CCDC174: variants seen among roughly 807,000 people sequenced by gnomAD.
CCDC174 encodes the protein coiled-coil domain containing 174, also known as coiled-coil domain-containing protein 174.
CCDC174 carries 37 observed loss-of-function variants against 57.1 expected under a neutral mutation model. The ratio of observed to expected loss-of-function variants is 0.65; its 90% CI spans 0.50 to 0.85. The LOEUF is 0.85. Ranked by LOEUF, CCDC174 falls within the 40% of genes least tolerant of loss-of-function variation. The probability of loss-of-function intolerance (pLI) is 0.00; values close to 1 mark genes in which losing one functional copy is unlikely to be tolerated. For synonymous variants in CCDC174, 182 were observed against 190.2 expected (o/e 0.96, Z 0.35); for missense variants, 540 against 574.3 (o/e 0.94, Z 0.61).
At chr3:14,660,482 C>T (rs1575069934) in intron 4 of CCDC174, among the ~76,000 whole-genome samples, 3 of 151,822 alleles carry the variant, frequency 2.0e-5, no homozygotes, top group South Asian at 2.1e-4. Flanking sequence ...CTAGCCTGGG[C>T]GACGGAGTGA....
In CCDC174 at chr3:14,651,891, A is replaced by G; in HGVS notation, c.42+13A>G. 6.2e-7 allele frequency: 1 copy of G among 1,613,262 alleles called. No individual in the cohort carries two copies. Among genetic ancestry groups the G allele is most frequent in the Non-Finnish European group, 8.5e-7 (1 of 1,179,268 alleles). ...CACGGCCTCCTCGGTGAGTGAGGGT[A>G]TGAGGTAACTCCACGGGCTCCGGGT... On this transcript the variant is annotated intron_variant, in intron 1 of 10. Coordinates refer to ENST00000383794, the MANE Select transcript of CCDC174 (RefSeq NM_016474.5).
At chr3:14,665,238 T>TATTGATTGATTG (rs3836383) in intron 6 of CCDC174, 115 bp downstream of exon 6, 3 of 643,554 alleles carry the variant, frequency 4.7e-6, no homozygotes, top group Non-Finnish European at 8.3e-6. Flanking sequence ...AGTAAGGAGA[T>TATTGATTGATTG]ATTGATTGAT....
rs752346702 is a variant in CCDC174, at chr3:14,671,234, T to A, written c.*40T>A. On this transcript the variant is annotated 3_prime_UTR_variant, in exon 11 of 11. Transcript: ENST00000383794. The stretch of plus-strand genomic sequence containing the variant: ...CTGACTTGGGTTTGTACTTTGACAG[T>A]GCCTTTCTCTCCCAGAGGGAGAAAT... 1 of 1,546,500 alleles carries A rather than the reference T, an allele frequency of 6.5e-7. No homozygotes were observed. The highest frequency in any genetic ancestry group is 8.8e-7 in the Non-Finnish European group (1 of 1,135,178).
At chr3:14,660,028 C>G (rs140757101) in intron 4 of CCDC174, among the ~76,000 whole-genome samples, 2 of 152,282 alleles carry the variant, frequency 1.3e-5, no homozygotes, top group Non-Finnish European at 2.9e-5. Context: ...GGCACTTTCC[C>G]TGTATAGCAG....
rs761399658 is a variant in CCDC174 at position 14,654,408 on chromosome 3, T to C, written c.43-18T>C. The C allele has an allele frequency of 7.4e-7, 1 of 1,352,704 alleles. No individual in the cohort carries two copies. Among genetic ancestry groups the C allele is most frequent in the Admixed American group, 1.9e-5 (1 of 53,150 alleles). 83.8% of individuals were successfully genotyped at this position (1,352,704 alleles called of 1,614,324 possible). On this transcript the variant is annotated intron_variant, in intron 1 of 10. Coordinates refer to ENST00000383794, the MANE Select transcript of CCDC174 (RefSeq NM_016474.5). ...GCAGGAATTTAATATTTTTGTTTACTTACTGCTTTCATTCTAGTTGGTAGA... is the reference window on the plus strand; with the variant it reads ...GCAGGAATTTAATATTTTTGTTTACCTACTGCTTTCATTCTAGTTGGTAGA...
At chr3:14,670,751 A>T (rs2031481866) in intron 10 of CCDC174, 145 bp from the exon 11 acceptor site, 5 of 676,340 alleles carry the variant, frequency 7.4e-6, no homozygotes, top group Middle Eastern at 7.6e-4. Context: ...TATACCTTGT[A>T]ATATAGTTTT....
At chr3:14,661,266 A>G (rs1434468324) in intron 4 of CCDC174, among the ~76,000 whole-genome samples, 1 of 152,234 alleles carries the variant, frequency 6.6e-6, no homozygotes, top group Non-Finnish European at 1.5e-5. Context: ...TTATCTTAAA[A>G]TGACATTCTA....
chr3:14,655,450 T>G, intron 2 of CCDC174, 79 bp from the exon 3 acceptor site: 1 of 839,000 alleles, frequency 1.2e-6, no homozygotes, highest in Non-Finnish European at 1.9e-6. Flanking sequence ...TCTCCTTTGT[T>G]TTTTTTTTTC....
chr3:14,662,207 G>T (rs1205232436), intron 5 of CCDC174, among the ~76,000 whole-genome samples: 1 of 151,746 alleles, frequency 6.6e-6, no homozygotes, highest in Non-Finnish European at 1.5e-5. Flanking sequence ...GCCTTGGATG[G>T]TTCCATCTGC....
At chr3:14,653,449 G>A (rs1208368909) in intron 1 of CCDC174, among the ~76,000 whole-genome samples, 1 of 152,120 alleles carries the variant, frequency 6.6e-6, no homozygotes, top group African/African-American at 2.4e-5. Context: ...CTTCCAAAAC[G>A]GAAATTGAAC....
chr3:14,659,029 T>C, intron 4 of CCDC174, 100 bp downstream of exon 4: 1 of 1,164,810 alleles, frequency 8.6e-7, no homozygotes, highest in Non-Finnish European at 1.2e-6. Context: ...GAGAGAAAAT[T>C]TAGACGTCAA....
intron 9 of CCDC174, 119 bp downstream of exon 9, chr3:14,668,300 A>G: frequency 9.8e-7 from 1 of 1,021,518 alleles, no homozygotes; most frequent in African/African-American, 1.6e-5. Flanking sequence ...AGCAAACAGT[A>G]TACCTTTGAG....
chr3:14,670,483 A>C (rs1167047007), intron 10 of CCDC174, among the ~76,000 whole-genome samples: 1 of 152,244 alleles, frequency 6.6e-6, no homozygotes, highest in African/African-American at 2.4e-5. Flanking sequence ...CTGAGCTGAT[A>C]AGATCCAAAG....
intron 1 of CCDC174, among the ~76,000 whole-genome samples, chr3:14,653,365 A>T (rs1430690798): frequency 6.6e-6 from 1 of 152,254 alleles, no homozygotes; most frequent in African/African-American, 2.4e-5. Flanking sequence ...ATTTGTTTTT[A>T]AAAATTTCCA....
rs1242470557 is a variant in CCDC174 at position 14,665,130 on chromosome 3, G to T, written c.581+7G>T. The T allele has an allele frequency of 6.3e-7, 1 of 1,598,654 alleles. No homozygotes were observed. Among genetic ancestry groups the T allele is most frequent in the Non-Finnish European group, 8.6e-7 (1 of 1,165,784 alleles). Reference sequence around the variant, plus strand: ...AAAATCTTCAGGGGAGACTGTAAGTGTGTGTGGTATACAGAGCTCTGCCAA... The same window carrying T: ...AAAATCTTCAGGGGAGACTGTAAGTTTGTGTGGTATACAGAGCTCTGCCAA... On this transcript the variant is annotated splice_region_variant and intron_variant, in intron 6 of 10. Transcript: ENST00000383794.
intron 5 of CCDC174, among the ~76,000 whole-genome samples, chr3:14,663,987 A>G (rs1321183927): frequency 6.6e-6 from 1 of 152,212 alleles, no homozygotes; most frequent in African/African-American, 2.4e-5. Flanking sequence ...ATCTTTCCGT[A>G]AAGATACTGT....
rs562613971 is a variant in CCDC174, at chr3:14,667,965, A to G, written c.820-84A>G. 13 of 1,409,622 alleles carry G rather than the reference A, an allele frequency of 9.2e-6. No individual in the cohort carries two copies. In the East Asian group the frequency reaches 2.3e-4, roughly 25 times the overall value. 87.3% of individuals were successfully genotyped at this position (1,409,622 alleles called of 1,614,324 possible). A position where few individuals can be genotyped will look rare whatever the true frequency, so the allele number is the denominator to read the frequency against. On this transcript the variant is annotated intron_variant, in intron 8 of 10. Coordinates refer to ENST00000383794, the MANE Select transcript of CCDC174 (RefSeq NM_016474.5). ...GGCCTGAAGATCAATTAACTAGTCT[A>G]TTTTTAGAAGAAAATTTCATCTTTT...
In CCDC174 at chr3:14,671,136, C is replaced by T. The variant is rs1053419364; in HGVS notation, c.1346C>T (p.Pro449Leu). 1 of 1,613,870 alleles carries T rather than the reference C, an allele frequency of 6.2e-7. No individual in the cohort carries two copies. The highest frequency in any genetic ancestry group is 8.5e-7 in the Non-Finnish European group (1 of 1,179,898). The change falls in exon 11 of 11, where the codon CCC becomes CTC. Residue 449 changes from proline to leucine, a missense_variant. By Grantham distance (98) the Pro-to-Leu change is moderately conservative (BLOSUM62 -3). Coordinates refer to ENST00000383794, the MANE Select transcript of CCDC174 (RefSeq NM_016474.5). ...TPAPDNPPQA[P>L]TVTFKTLDDM... ...GCCCCCGACAACCCACCACAAGCCC[C>T]CACAGTTACTTTCAAAACTCTGGAT... is the stretch of plus-strand genomic sequence containing the variant.
At chr3:14,655,752 C>A in intron 3 of CCDC174, 123 bp downstream of exon 3, 1 of 484,444 alleles carries the variant, frequency 2.1e-6, no homozygotes, top group East Asian at 3.4e-5. Flanking sequence ...TAGCCCAATG[C>A]TCTAAGTACT....
Sources: allele counts gnomAD v4.1 joint callset (sites outside exome capture counted in the v4.1 genomes callset), GRCh38; gene constraint gnomAD v4.1.1; transcripts MANE v1.5; gene names NCBI Gene and HGNC (gene_info 2026-07-23, HGNC 2026-07-21).